The following RAD52 variants were observed in gnomAD, a reference collection of about 807,000 sequenced individuals.
RAD52 encodes the protein DNA repair protein RAD52 homolog.
In RAD52, 47 loss-of-function variants were observed where a neutral mutation model predicts 55.5. The ratio of observed to expected loss-of-function variants is 0.85; its 90% confidence interval spans 0.67 to 1.08. The LOEUF (loss-of-function observed/expected upper bound fraction) is 1.08. Among genes scored for constraint, RAD52 ranks in the 50% least tolerant of loss-of-function variants. RAD52 has a pLI of 0.00. For missense variants in RAD52, 468 were observed against 522.8 expected (o/e 0.90, Z 1.02); for synonymous variants, 184 against 198.9 (o/e 0.92, Z 0.63).
upstream of RAD52, among the ~76,000 whole-genome samples, chr12:953,768 C>G (rs373249106): frequency 3.9e-5 from 6 of 152,310 alleles, no homozygotes; most frequent in African/African-American, 1.4e-4. Flanking sequence ...ACAGCATTTC[C>G]CATGGTGTAC....
At chr12:925,064 C>T (rs888304146) in intron 7 of RAD52, among the ~76,000 whole-genome samples, 2 of 151,734 alleles carry the variant, frequency 1.3e-5, no homozygotes, top group African/African-American at 4.9e-5. Flanking sequence ...CATTCTCCTG[C>T]CTCAGCCTCC....
At chr12:928,872 A>G (rs1277379646) in intron 5 of RAD52, among the ~76,000 whole-genome samples, 2 of 152,158 alleles carry the variant, frequency 1.3e-5, no homozygotes, top group African/African-American at 4.8e-5. Flanking sequence ...GCAGAGAAGC[A>G]CAGTAAGGCT....
intron 1 of RAD52, chr12:976,704 G>C (rs967600318): frequency 1.3e-5 from 2 of 152,178 alleles, no homozygotes; most frequent in Non-Finnish European, 2.9e-5. Flanking sequence ...AGATGAGACA[G>C]GCTCTAATTC....
chr12:949,115 G>T (rs1477722332), intron 1 of RAD52, among the ~76,000 whole-genome samples: 2 of 152,110 alleles, frequency 1.3e-5, no homozygotes, highest in Non-Finnish European at 2.9e-5. Flanking sequence ...GAGTGTCGTG[G>T]TACGGGTGCG....
intron 1 of RAD52, among the ~76,000 whole-genome samples, chr12:989,540 A>AT (rs1959147157): frequency 6.6e-6 from 1 of 152,188 alleles, no homozygotes; most frequent in South Asian, 2.1e-4. Context: ...AGGAAATAAT[A>AT]TTTTTTGCCA....
At position 913,795 on chromosome 12, in the gene RAD52, C is replaced by G. The variant is rs1176131055; in HGVS notation, c.1195+99G>C. On this transcript the variant is annotated intron_variant, in intron 11 of 11. Coordinates refer to ENST00000358495, the MANE Select transcript of RAD52 (RefSeq NM_134424.4). The stretch of plus-strand genomic sequence containing the variant: ...CATTCCCTAATAGAAGTTCCCGATT[C>G]TATCAAACTTTAAATGAAATGTCAT... 5 of 1,142,294 alleles carry G rather than the reference C, an allele frequency of 4.4e-6. No individual in the cohort carries two copies. The East Asian group carries it at 9.9e-5, about 23-fold the overall frequency. 70.8% of individuals were successfully genotyped at this position (1,142,294 alleles called of 1,614,324 possible).
At chr12:974,622 A>C (rs117062762) in intron 1 of RAD52, 3,238 of 152,322 alleles carry the variant, frequency 0.021, 58 homozygotes, top group Non-Finnish European at 0.035. Flanking sequence ...ACTGTAAATC[A>C]GTATTCTCCT....
chr12:990,390 G>A (rs1204685646), upstream of RAD52: 3 of 151,914 alleles, frequency 2.0e-5, no homozygotes, highest in East Asian at 5.8e-4. Flanking sequence ...CAAAACCAAA[G>A]CCGGCTGCGA....
chr12:986,647 G>A (rs932761088), intron 1 of RAD52, among the ~76,000 whole-genome samples: 2 of 151,982 alleles, frequency 1.3e-5, no homozygotes, highest in African/African-American at 4.8e-5. Flanking sequence ...TTACAGATGT[G>A]ACCTACTGAG....
intron 1 of RAD52, among the ~76,000 whole-genome samples, chr12:938,097 T>C (rs1957731051): frequency 1.3e-5 from 2 of 152,082 alleles, no homozygotes; most frequent in South Asian, 4.1e-4. Flanking sequence ...ATAAACTACT[T>C]GGGAATAAAA....
chr12:947,913 A>C (rs994204385), intron 1 of RAD52, among the ~76,000 whole-genome samples: 2 of 136,908 alleles, frequency 1.5e-5, no homozygotes, highest in African/African-American at 5.5e-5. Context: ...CAAAAAAAAA[A>C]CTGCCCTAAA....
intron 9 of RAD52, among the ~76,000 whole-genome samples, 163 bp from the exon 10 acceptor site, chr12:914,695 A>G (rs1956264538): frequency 6.6e-6 from 1 of 152,228 alleles, no homozygotes; most frequent in South Asian, 2.1e-4. Flanking sequence ...CAGCTTCCCG[A>G]GTCCCAGTCC....
rs1251298735 is a variant in RAD52, at chr12:931,226, G to A, written c.180C>T (p.Gly60=). ...GGCACATGAATTCTCCTACCTTCTG[G>A]CCTCCGCCAGCCATGCGGCTACTTA... The part of the protein sequence containing the change: ...EYISSRMAGG[G]QKVCYIEGHR... Residue 60 remains glycine (G), a synonymous_variant, in exon 3 of 12, where the codon GGC becomes GGT. Coordinates refer to ENST00000358495, the MANE Select transcript of RAD52 (RefSeq NM_134424.4). 1.9e-6 allele frequency: 3 copies of A among 1,611,378 alleles called. No individual in the cohort carries two copies. The African/African-American group carries it at 4.0e-5, about 22-fold the overall frequency.
chr12:934,699 A>G (rs768935308), intron 1 of RAD52, among the ~76,000 whole-genome samples: 13 of 152,304 alleles, frequency 8.5e-5, no homozygotes, highest in South Asian at 2.1e-4. Context: ...TAATCATTTC[A>G]CAGTGCATTC....
intron 1 of RAD52, among the ~76,000 whole-genome samples, chr12:948,292 G>C (rs957129855): frequency 1.3e-4 from 20 of 152,148 alleles, no homozygotes; most frequent in African/African-American, 4.8e-4. Context: ...ATGGGTGTCT[G>C]CTAATGGTTT....
At chr12:954,758 C>A (rs1052608232) in intron 1 of RAD52, among the ~76,000 whole-genome samples, 2 of 152,132 alleles carry the variant, frequency 1.3e-5, no homozygotes, top group Non-Finnish European at 2.9e-5. Context: ...ATTTTTCTAT[C>A]AAAATTCTAA....
intron 9 of RAD52, among the ~76,000 whole-genome samples, chr12:914,937 C>A (rs146605052): frequency 6.6e-6 from 1 of 152,126 alleles, no homozygotes; most frequent in African/African-American, 2.4e-5. Flanking sequence ...GTGGGAGGAT[C>A]GCTTGAAACC....
chr12:924,910 A>G (rs1956941218), intron 7 of RAD52, among the ~76,000 whole-genome samples: 1 of 151,494 alleles, frequency 6.6e-6, no homozygotes. Flanking sequence ...ACACGTACAC[A>G]AATTCTCTAG....
chr12:929,808 C>T lies in RAD52; in HGVS notation c.348+11G>A. 1 of 1,609,664 alleles carries T rather than the reference C, an allele frequency of 6.2e-7. No homozygotes were observed. Among genetic ancestry groups the T allele is most frequent in the Non-Finnish European group, 8.5e-7 (1 of 1,177,054 alleles). ...ATCCTTCCGGGCAGCAGGTCTACTC[C>T]ATCCCCTCACCTTCAGCTGGACCCT... is the stretch of plus-strand genomic sequence containing the variant. On this transcript the variant is annotated intron_variant, in intron 5 of 11. Transcript: ENST00000358495.
Sources: gnomAD v4.1 joint callset for allele counts (sites outside exome capture counted in the v4.1 genomes callset) on GRCh38, gnomAD v4.1.1 for gene constraint, MANE v1.5 for transcripts, NCBI Gene and HGNC (gene_info 2026-07-23, HGNC 2026-07-21) for gene names.